The following NTN4 variants were observed in gnomAD, a reference collection of about 807,000 sequenced individuals.
NTN4 encodes netrin 4.
NTN4 carries 32 observed loss-of-function variants against 73.6 expected under a neutral mutation model. The ratio of observed to expected loss-of-function variants is 0.44; its 90% CI spans 0.33 to 0.58. The LOEUF (loss-of-function observed/expected upper bound fraction) is 0.58. NTN4 is among the 20% of genes least tolerant of loss of function. NTN4 has a pLI of 0.04. For missense variants in NTN4, 654 were observed against 798.3 expected, an observed-to-expected ratio of 0.82 and a Z score of 2.18; for synonymous variants, 258 against 287.5, an observed-to-expected ratio of 0.90 and a Z score of 1.04.
chr12:95,756,935 T>C (rs1277431307), intron 2 of NTN4, among the ~76,000 whole-genome samples: 1 of 152,120 alleles, frequency 6.6e-6, no homozygotes, highest in East Asian at 1.9e-4. Flanking sequence ...ATCTTTTAGA[T>C]GTCATCTTTG....
At chr12:95,708,476 A>G (rs1382759863) in intron 5 of NTN4, among the ~76,000 whole-genome samples, 1 of 151,748 alleles carries the variant, frequency 6.6e-6, no homozygotes, top group East Asian at 1.9e-4. Context: ...TTTAGTAGAG[A>G]TGGGGTTTCA....
Position 95,710,423 on chromosome 12 carries a change from A to C in NTN4, c.1180+18T>G, listed in dbSNP as rs1372131973. On this transcript the variant is annotated intron_variant, in intron 5 of 9. Coordinates refer to ENST00000343702, the MANE Select transcript of NTN4 (RefSeq NM_021229.4). ...TTGTACAAATCAGCCTATTTTCTGG[A>C]AACCACAGGTTACTTACGTTTGCAA... is the stretch of plus-strand genomic sequence containing the variant. 10 of 1,595,150 alleles carry C rather than the reference A, an allele frequency of 6.3e-6. No individual in the cohort carries two copies. The highest frequency in any genetic ancestry group is 8.6e-6 in the Non-Finnish European group (10 of 1,168,068).
At chr12:95,659,907 G>A (rs1411411404) in intron 9 of NTN4, among the ~76,000 whole-genome samples, 2 of 152,146 alleles carry the variant, frequency 1.3e-5, no homozygotes, top group Non-Finnish European at 2.9e-5. Context: ...TATGACAAAA[G>A]AACTGAGGGT....
At chr12:95,665,659 G>T in intron 9 of NTN4, 151 bp downstream of exon 9, 1 of 548,872 alleles carries the variant, frequency 1.8e-6, no homozygotes, top group Non-Finnish European at 3.2e-6. Flanking sequence ...TTAGTTCAAA[G>T]AATTCCATTT....
chr12:95,708,256 T>TTTTATTTTTATTTATTTA (rs1025798397), intron 5 of NTN4, among the ~76,000 whole-genome samples: 1 of 142,380 alleles, frequency 7.0e-6, no homozygotes, highest in African/African-American at 2.6e-5. Context: ...TTTATTGTTA[T>TTTTATTTTTATTTATTTA]TTTATTTATT....
intron 6 of NTN4, 62 bp from the exon 7 acceptor site, chr12:95,682,884 G>T: frequency 1.1e-6 from 1 of 929,094 alleles, no homozygotes; most frequent in South Asian, 1.4e-5. Flanking sequence ...GTATAGAAAT[G>T]AATCTATAGA....
chr12:95,697,315 C>T (rs1025523061), intron 5 of NTN4, among the ~76,000 whole-genome samples: 23 of 152,292 alleles, frequency 1.5e-4, no homozygotes, highest in African/African-American at 5.3e-4. Context: ...CCAATTAGAA[C>T]TCTTTGTTCA....
rs552246456 is a variant in NTN4 at position 95,714,851 on chromosome 12, G to T, written c.865-1513C>A. Among the ~76,000 whole-genome samples, 108 of 152,112 alleles carry T rather than the reference G, an allele frequency of 7.1e-4. 1 individual carries two copies. The highest frequency in any genetic ancestry group is 1.3e-3 in the Non-Finnish European group (89 of 68,006). On this transcript the variant is annotated intron_variant, in intron 3 of 9. Transcript: ENST00000343702. ...TATTTCAATGCATCTAAAATATTTT[G>T]ATTGTGACAAAAAATGAATTACTAA...
intron 9 of NTN4, among the ~76,000 whole-genome samples, chr12:95,659,968 C>T (rs796501111): frequency 1.3e-5 from 2 of 152,018 alleles, no homozygotes; most frequent in Admixed American, 6.6e-5. Flanking sequence ...TGGATACTCA[C>T]TGTGTATGGT....
At position 95,790,631 on chromosome 12, in the gene NTN4, G is replaced by C. The variant is rs1288010038; in HGVS notation, c.-322C>G. The C allele has an allele frequency of 2.0e-4, 40 of 202,974 alleles. 1 individual carries two copies. In the South Asian group the frequency reaches 6.8e-3, roughly 35 times the overall value. The allele number at this position is 202,974 out of a possible 1,614,324, so 12.6% of individuals were successfully genotyped here. ...CGGGCTCGTCTGCCGCTAGCCCGGG[G>C]CTCGGCGCCCGCAGCCGCCGCTGAA... On this transcript the variant is annotated 5_prime_UTR_variant, in exon 1 of 10. Transcript: ENST00000343702. This position sits in a 1 kb window ranked among gnomAD's most constrained non-coding sequence, Gnocchi z 6.5.
Position 95,659,118 on chromosome 12 carries a change from C to CTT in NTN4, c.1853_1854dup (p.Val619LysfsTer6). ...CACTCTCTTTTTAAAATATCCATGA[C>CTT]TTTTCTTCCAAGAGAAGGTTTCCAG... On this transcript the variant is annotated frameshift_variant, in exon 10 of 10. Transcript: ENST00000343702. LOFTEE classifies it high-confidence loss of function. 1.2e-6 allele frequency: 2 copies of CTT among 1,613,518 alleles called. No individual in the cohort carries two copies. Among genetic ancestry groups the CTT allele is most frequent in the Non-Finnish European group, 1.7e-6 (2 of 1,179,832 alleles).
intron 3 of NTN4, among the ~76,000 whole-genome samples, chr12:95,721,716 C>T (rs1204674471): frequency 6.6e-6 from 1 of 152,196 alleles, no homozygotes; most frequent in Non-Finnish European, 1.5e-5. Context: ...ATAAGAAGTA[C>T]ACTGTGCATA....
chr12:95,669,458 A>G (rs962302850), intron 8 of NTN4, among the ~76,000 whole-genome samples: 27 of 152,090 alleles, frequency 1.8e-4, no homozygotes, highest in Non-Finnish European at 2.9e-5. Context: ...GTAAGACATC[A>G]TCTCCCTCCC....
chr12:95,688,637 G>C (rs953425178), intron 5 of NTN4, among the ~76,000 whole-genome samples: 1 of 152,090 alleles, frequency 6.6e-6, no homozygotes, highest in Non-Finnish European at 1.5e-5. Context: ...AATTAGGAGG[G>C]CTAGATGAAA....
chr12:95,780,530 G>T (rs9668386), intron 2 of NTN4, among the ~76,000 whole-genome samples: 128,640 of 151,554 alleles, frequency 0.85, 54,964 homozygotes, highest in African/African-American at 0.9. Flanking sequence ...CATTTATGCA[G>T]CCAAAAGACA....
chr12:95,772,985 G>A (rs995757453), intron 2 of NTN4, among the ~76,000 whole-genome samples: 2 of 119,692 alleles, frequency 1.7e-5, no homozygotes, highest in African/African-American at 6.8e-5. Flanking sequence ...ATCTCCAATG[G>A]CTTTTTTTTT....
At chr12:95,712,751 G>A (rs920918620) in intron 4 of NTN4, among the ~76,000 whole-genome samples, 6 of 149,192 alleles carry the variant, frequency 4.0e-5, no homozygotes, top group South Asian at 2.1e-4. Flanking sequence ...ACAGGTGCAC[G>A]CCACCATGCC....
At chr12:95,674,386 ACTT>A (rs2078257690) in intron 7 of NTN4, among the ~76,000 whole-genome samples, 1 of 152,082 alleles carries the variant, frequency 6.6e-6, no homozygotes, top group Non-Finnish European at 1.5e-5. Flanking sequence ...GCTTTCCAAT[ACTT>A]CTTTTTCATA....
intron 2 of NTN4, among the ~76,000 whole-genome samples, chr12:95,764,651 C>T (rs1388723365): frequency 2.1e-5 from 3 of 144,976 alleles, no homozygotes; most frequent in Non-Finnish European, 4.5e-5. Context: ...GGTGAGAAAG[C>T]GAGACTCCAT....
Sources: gnomAD v4.1 joint callset for allele counts (sites outside exome capture counted in the v4.1 genomes callset) on GRCh38, gnomAD v4.1.1 for gene constraint, Gnocchi (gnomAD v3.1) non-coding constraint, MANE v1.5 for transcripts, NCBI Gene and HGNC (gene_info 2026-07-23, HGNC 2026-07-21) for gene names.